KIAA0586: variants seen among roughly 807,000 people sequenced by gnomAD.
The protein encoded by KIAA0586 is KIAA0586.
A neutral mutation model predicts 169.8 loss-of-function variants in KIAA0586; 144 were observed. The ratio of observed to expected loss-of-function variants is 0.85; its 90% CI spans 0.74 to 0.97. The LOEUF is 0.97. Ranked by LOEUF, KIAA0586 falls within the 50% of genes least tolerant of loss-of-function variation. The probability of loss-of-function intolerance (pLI) is 0.00; values close to 1 mark genes in which losing one functional copy is unlikely to be tolerated. For synonymous variants in KIAA0586, 625 were observed against 612.4 expected (o/e 1.02, Z -0.30); for missense variants, 1,854 against 1,823.0 (o/e 1.02, Z -0.31).
chr14:58,513,050 A>C lies in KIAA0586; in HGVS notation c.4429+423A>C, dbSNP rs1158384720. Among the ~76,000 whole-genome samples, 4 of 152,070 alleles carry C rather than the reference A, an allele frequency of 2.6e-5. 1 individual carries two copies. The highest frequency in any genetic ancestry group is 1.9e-4 in the East Asian group (1 of 5,196). On this transcript the variant is annotated intron_variant, in intron 29 of 30. Coordinates refer to ENST00000652326, the MANE Select transcript of KIAA0586 (RefSeq NM_001329943.3). ...TATAACTTAAAAGCAATTGCCTCTC[A>C]TATTACATACTGTGATATGGATGAC...
chr14:58,432,374 T>G lies in KIAA0586; in HGVS notation c.341-14T>G. 1 of 1,464,340 alleles carries G rather than the reference T, an allele frequency of 6.8e-7. No homozygotes were observed. The highest frequency in any genetic ancestry group is 1.8e-4 in the Middle Eastern group (1 of 5,620). 90.7% of individuals were successfully genotyped at this position (1,464,340 alleles called of 1,614,324 possible). A position where few individuals can be genotyped will look rare whatever the true frequency, so the allele number is the denominator to read the frequency against. The stretch of plus-strand genomic sequence containing the variant: ...CAGGAATTTAATATATATTTTTGTG[T>G]CTTGATTTTGCAGCAAATGACATCT... On this transcript the variant is annotated splice_polypyrimidine_tract_variant and intron_variant, in intron 3 of 30. Coordinates refer to ENST00000652326, the MANE Select transcript of KIAA0586 (RefSeq NM_001329943.3).
At position 58,444,193 on chromosome 14, in the gene KIAA0586, A is replaced by C. The variant is rs760040685; in HGVS notation, c.807+18A>C. 6.8e-7 allele frequency: 1 copy of C among 1,480,004 alleles called. No individual in the cohort carries two copies. The highest frequency in any genetic ancestry group is 2.3e-5 in the East Asian group (1 of 44,136). The allele number at this position is 1,480,004 out of a possible 1,614,324, so 91.7% of individuals were successfully genotyped here. Reference sequence around the variant, plus strand: ...ATATTCAGGTATCTGTAATAAATCCAGTACAGATTCCATAATCTTTTATCA... The same window carrying C: ...ATATTCAGGTATCTGTAATAAATCCCGTACAGATTCCATAATCTTTTATCA... On this transcript the variant is annotated intron_variant, in intron 6 of 30. Transcript: ENST00000652326.
chr14:58,526,440 A>G (rs560179262), intron 29 of KIAA0586, among the ~76,000 whole-genome samples: 2 of 152,322 alleles, frequency 1.3e-5, no homozygotes, highest in South Asian at 4.1e-4. Flanking sequence ...GACCTCTAGC[A>G]AACTCCAGCA....
the KIAA0586 span, among the ~76,000 whole-genome samples, chr14:58,558,805 C>G: frequency 6.6e-6 from 1 of 152,198 alleles, no homozygotes; most frequent in Admixed American, 6.5e-5. Flanking sequence ...AATCAGAAAT[C>G]TGAGCATTGC....
intron 29 of KIAA0586, chr14:58,521,388 T>C: frequency 1.1e-6 from 1 of 923,828 alleles, no homozygotes; most frequent in Middle Eastern, 2.2e-4. Context: ...TGCCTTTGTT[T>C]AGTATGTTAA....
chr14:58,555,374 T>C (rs2047236431), downstream of KIAA0586, among the ~76,000 whole-genome samples: 1 of 152,194 alleles, frequency 6.6e-6, no homozygotes, highest in Non-Finnish European at 1.5e-5. Flanking sequence ...GTGCTGGGAT[T>C]ACAGGCGTGA....
intron 28 of KIAA0586, 66 bp downstream of exon 28, chr14:58,508,775 G>C: frequency 7.7e-7 from 1 of 1,303,488 alleles, no homozygotes; most frequent in Non-Finnish European, 1.1e-6. Flanking sequence ...CCTTAGCGTG[G>C]TACCCCGTCA....
At chr14:58,556,621 CAGTT>C in the KIAA0586 span, among the ~76,000 whole-genome samples, 1 of 152,146 alleles carries the variant, frequency 6.6e-6, no homozygotes, top group Admixed American at 6.5e-5. Context: ...CTATCACCAT[CAGTT>C]ACTTTTGTTT....
intron 20 of KIAA0586, among the ~76,000 whole-genome samples, chr14:58,481,573 G>A (rs1188874876): frequency 6.6e-6 from 1 of 152,114 alleles, no homozygotes; most frequent in Non-Finnish European, 1.5e-5. Flanking sequence ...AATGTGAGTT[G>A]TATTCAGATG....
intron 22 of KIAA0586, among the ~76,000 whole-genome samples, chr14:58,487,628 A>G (rs1341619147): frequency 1.3e-5 from 2 of 152,072 alleles, no homozygotes; most frequent in Admixed American, 1.3e-4. Flanking sequence ...AAAGTATACA[A>G]TTGAATAGAT....
At position 58,472,218 on chromosome 14, in the gene KIAA0586, T is replaced by C; in HGVS notation, c.2573T>C (p.Val858Ala). Residue 858 changes from valine to alanine, a missense_variant, in exon 18 of 31, where the codon GTA becomes GCA. Physicochemically the swap from Val to Ala is moderately conservative, Grantham distance 64. Coordinates refer to ENST00000652326, the MANE Select transcript of KIAA0586 (RefSeq NM_001329943.3). ...TWIKTPEIMK[V>A]DEEEVKFPGT... is the part of the protein sequence containing the mutation. ...TCTTAGACTCCAGAAATTATGAAGG[T>C]AGATGAAGAAGAGGTGAAGTTTCCA... 1 of 1,582,280 alleles carries C rather than the reference T, an allele frequency of 6.3e-7. No homozygotes were observed. Among genetic ancestry groups the C allele is most frequent in the Non-Finnish European group, 8.6e-7 (1 of 1,164,332 alleles).
At chr14:58,491,415 G>A (rs1451126806) in intron 25 of KIAA0586, among the ~76,000 whole-genome samples, 1 of 152,104 alleles carries the variant, frequency 6.6e-6, no homozygotes, top group African/African-American at 2.4e-5. Context: ...CATAGCTAGG[G>A]GATAGGGACT....
chr14:58,480,603 T>A (rs1743705), intron 20 of KIAA0586, among the ~76,000 whole-genome samples: 2 of 152,248 alleles, frequency 1.3e-5, no homozygotes, highest in Non-Finnish European at 2.9e-5. Context: ...TGTCTAAAAT[T>A]CTTCTCATTT....
chr14:58,536,325 C>T (rs908953864), intron 29 of KIAA0586, among the ~76,000 whole-genome samples: 16 of 149,928 alleles, frequency 1.1e-4, no homozygotes, highest in African/African-American at 3.2e-4. Flanking sequence ...GAGTTTTCAT[C>T]GTGTATTATT....
At chr14:58,544,142 A>C (rs1484651073) in intron 30 of KIAA0586, among the ~76,000 whole-genome samples, 3 of 152,170 alleles carry the variant, frequency 2.0e-5, no homozygotes. Flanking sequence ...TTCCTGCATT[A>C]GTTTGCAAAG....
At chr14:58,532,027 G>T (rs1270307658) in intron 29 of KIAA0586, among the ~76,000 whole-genome samples, 1 of 151,830 alleles carries the variant, frequency 6.6e-6, no homozygotes, top group African/African-American at 2.4e-5. Context: ...ACACACCGGG[G>T]CCTGTCGGGG....
chr14:58,488,697 C>T lies in KIAA0586; in HGVS notation c.3604C>T (p.Pro1202Ser), dbSNP rs199743989. ...PAQPPPPEPVPFMPFPAGTKA... is the reference protein window; with the variant it reads ...PAQPPPPEPVSFMPFPAGTKA... The stretch of plus-strand genomic sequence containing the variant: ...TCAGCCTCCACCTCCAGAGCCAGTT[C>T]CCTTTATGCCATTTCCTGCCGGCAC... Residue 1202 changes from proline to serine, a missense_variant, in exon 24 of 31, where the codon CCC becomes TCC. Transcript: ENST00000652326. 6.2e-7 allele frequency: 1 copy of T among 1,613,904 alleles called. No individual in the cohort carries two copies. Among genetic ancestry groups the T allele is most frequent in the East Asian group, 2.2e-5 (1 of 44,858 alleles).
intron 3 of KIAA0586, among the ~76,000 whole-genome samples, chr14:58,431,323 C>G (rs1374873224): frequency 6.6e-6 from 1 of 151,996 alleles, no homozygotes; most frequent in Non-Finnish European, 1.5e-5. Context: ...GGTGCAGTGG[C>G]GTAATCTCAG....
chr14:58,555,311 G>C (rs889208519), downstream of KIAA0586, among the ~76,000 whole-genome samples: 2 of 151,890 alleles, frequency 1.3e-5, no homozygotes, highest in African/African-American at 2.4e-5. Context: ...ATGTTGGTCA[G>C]GCTGGTCTCG....
Sources: gnomAD v4.1 joint callset for allele counts (sites outside exome capture counted in the v4.1 genomes callset) on GRCh38, gnomAD v4.1.1 for gene constraint, MANE v1.5 for transcripts, NCBI Gene and HGNC (gene_info 2026-07-23, HGNC 2026-07-21) for gene names.